The following ATG7 variants were observed in gnomAD, a reference collection of about 807,000 sequenced individuals.
ATG7 encodes the protein ubiquitin-like modifier-activating enzyme ATG7.
ATG7 carries 70 observed loss-of-function variants against 82.4 expected under a neutral mutation model. That is an observed-to-expected ratio of 0.85 (90% CI 0.70 to 1.04). ATG7 has a LOEUF of 1.04. Ranked by LOEUF, ATG7 falls within the 50% of genes least tolerant of loss-of-function variation. The probability of loss-of-function intolerance (pLI) is 0.00; values close to 1 mark genes in which losing one functional copy is unlikely to be tolerated. For synonymous variants in ATG7, 287 were observed against 313.0 expected (o/e 0.92, Z 0.88); for missense variants, 792 against 864.3 (o/e 0.92, Z 1.05).
chr3:11,405,729 G>A (rs2080265675), intron 19 of ATG7, among the ~76,000 whole-genome samples: 1 of 152,040 alleles, frequency 6.6e-6, no homozygotes. Flanking sequence ...CCAGGCTCAG[G>A]TGATTCTCCC....
intron 19 of ATG7, among the ~76,000 whole-genome samples, chr3:11,393,036 A>G (rs2078945450): frequency 6.6e-6 from 1 of 152,186 alleles, no homozygotes; most frequent in East Asian, 1.9e-4. Flanking sequence ...ATGCAGAAAA[A>G]TTCTCAATAC....
intron 20 of ATG7, among the ~76,000 whole-genome samples, chr3:11,465,088 AGTGTGTGT>A (rs55999171): frequency 6.8e-6 from 1 of 147,328 alleles, no homozygotes; most frequent in East Asian, 2.0e-4. Context: ...AAAAACCTAA[AGTGTGTGT>A]GTGTGTGTGT....
chr3:11,486,820 GTTT>G (rs34251925), intron 20 of ATG7, among the ~76,000 whole-genome samples: 4,849 of 131,832 alleles, frequency 0.037, 158 homozygotes, highest in African/African-American at 0.1. Context: ...CTTTGGTTCT[GTTT>G]TTTTTTTTTT....
intron 19 of ATG7, among the ~76,000 whole-genome samples, chr3:11,395,413 A>G (rs905269720): frequency 2.0e-5 from 3 of 152,200 alleles, no homozygotes. Context: ...ATAACAGTAC[A>G]AATAAAACTA....
At chr3:11,538,677 T>TA (rs560029572) in intron 20 of ATG7, among the ~76,000 whole-genome samples, 559 of 47,624 alleles carry the variant, frequency 0.012, 16 homozygotes, top group African/African-American at 0.025. Flanking sequence ...ACTCCGTCTC[T>TA]AAAAAAAAAA....
chr3:11,475,792 A>ACCC, intron 20 of ATG7, among the ~76,000 whole-genome samples: 1 of 151,708 alleles, frequency 6.6e-6, no homozygotes, highest in Non-Finnish European at 1.5e-5. Flanking sequence ...TGACCCATTG[A>ACCC]TACCCTGTAC....
In ATG7 at chr3:11,556,585, G is replaced by C. The variant is rs541211040; in HGVS notation, c.*1742G>C. ...GAATAACTGTTCCTGCACTTTTACA[G>C]ACAAATCTACGACAAAAAAAAAGAT... On this transcript the variant is annotated 3_prime_UTR_variant, in exon 21 of 21. Transcript: ENST00000693202. 9 of 151,654 alleles carry C rather than the reference G, an allele frequency of 5.9e-5. No homozygotes were observed. The highest frequency in any genetic ancestry group is 1.2e-4 in the Non-Finnish European group (8 of 67,846). The allele number at this position is 151,654 out of a possible 1,614,324, so 9.4% of individuals were successfully genotyped here. A position where few individuals can be genotyped will look rare whatever the true frequency, so the allele number is the denominator to read the frequency against.
intron 20 of ATG7, among the ~76,000 whole-genome samples, chr3:11,472,239 C>T (rs369474990): frequency 6.6e-6 from 1 of 152,154 alleles, no homozygotes; most frequent in East Asian, 1.9e-4. Context: ...TCCATCTCCC[C>T]CTCTTGCCTG....
chr3:11,378,496 A>G (rs1408836869), intron 18 of ATG7, among the ~76,000 whole-genome samples: 2 of 150,358 alleles, frequency 1.3e-5, no homozygotes, highest in Non-Finnish European at 3.0e-5. Context: ...CAGCCTGGAC[A>G]ACATGGCAAA....
At chr3:11,564,742 G>T in the ATG7 span, 2 of 1,494,774 alleles carry the variant, frequency 1.3e-6, no homozygotes, top group Non-Finnish European at 1.8e-6. Context: ...TCTCCATCCA[G>T]CCCAGTCCCC....
intron 20 of ATG7, among the ~76,000 whole-genome samples, chr3:11,460,593 A>G (rs1007965141): frequency 1.1e-4 from 17 of 152,194 alleles, no homozygotes; most frequent in African/African-American, 4.1e-4. Flanking sequence ...ATTCAAGAGG[A>G]GAACAGAATG....
At chr3:11,540,495 A>G (rs2125020480) in intron 20 of ATG7, among the ~76,000 whole-genome samples, 1 of 78,146 alleles carries the variant, frequency 1.3e-5, no homozygotes, top group East Asian at 4.6e-4. Context: ...AAATAAATTC[A>G]CTGGGCATGG....
intron 20 of ATG7, among the ~76,000 whole-genome samples, chr3:11,485,881 G>A (rs977026254): frequency 6.6e-6 from 1 of 152,024 alleles, no homozygotes; most frequent in South Asian, 2.1e-4. Context: ...TGAGGGCTCT[G>A]TTCTGTTCCA....
intron 20 of ATG7, among the ~76,000 whole-genome samples, chr3:11,535,286 C>T (rs955450044): frequency 6.6e-6 from 1 of 152,190 alleles, no homozygotes; most frequent in Non-Finnish European, 1.5e-5. Flanking sequence ...TCTGAGGTGT[C>T]CTTTACCTGC....
intron 20 of ATG7, among the ~76,000 whole-genome samples, chr3:11,497,392 T>TATATATATATATATATATATATATA (rs1422914065): frequency 1.6e-4 from 20 of 127,242 alleles, no homozygotes; most frequent in South Asian, 2.6e-4. Flanking sequence ...TATATATATA[T>TATATATATATATATATATATATATA]TTAGCCAGGC....
intron 18 of ATG7, among the ~76,000 whole-genome samples, chr3:11,368,703 A>T (rs1296403544): frequency 7.2e-6 from 1 of 139,638 alleles, no homozygotes; most frequent in African/African-American, 2.7e-5. Flanking sequence ...ACACTACTGC[A>T]TTCCAGCCTG....
chr3:11,328,484 C>T (rs892786793), intron 9 of ATG7, among the ~76,000 whole-genome samples: 4 of 151,880 alleles, frequency 2.6e-5, no homozygotes, highest in African/African-American at 9.7e-5. Flanking sequence ...TGTCTATTTG[C>T]GTTTAAGAAA....
intron 13 of ATG7, among the ~76,000 whole-genome samples, chr3:11,345,366 G>A (rs1414260126): frequency 6.6e-6 from 1 of 152,132 alleles, no homozygotes; most frequent in African/African-American, 2.4e-5. Context: ...CGGAGATAGC[G>A]CCACTGCACT....
downstream of ATG7, among the ~76,000 whole-genome samples, chr3:11,558,999 CTT>C (rs1434372756): frequency 1.3e-5 from 2 of 152,198 alleles, no homozygotes; most frequent in Non-Finnish European, 2.9e-5. Context: ...GGGCAGGTCA[CTT>C]TTCTGTAAAA....
Sources: gnomAD v4.1 joint callset for allele counts (sites outside exome capture counted in the v4.1 genomes callset) on GRCh38, gnomAD v4.1.1 for gene constraint, MANE v1.5 for transcripts, NCBI Gene and HGNC (gene_info 2026-07-23, HGNC 2026-07-21) for gene names.